CYP4Z1: variants seen among roughly 807,000 people sequenced by gnomAD.
CYP4Z1 encodes cytochrome P450 family 4 subfamily Z member 1.
In CYP4Z1, 41 loss-of-function variants were observed where a neutral mutation model predicts 54.2. The ratio of observed to expected loss-of-function variants is 0.76; its 90% confidence interval spans 0.59 to 0.98. CYP4Z1 has a LOEUF of 0.98. Among genes scored for constraint, CYP4Z1 ranks in the 50% least tolerant of loss-of-function variants. The pLI, the probability that CYP4Z1 is intolerant of heterozygous loss-of-function variation, is 0.00. For synonymous variants in CYP4Z1, 163 were observed against 206.2 expected, an observed-to-expected ratio of 0.79 and a Z score of 1.79; for missense variants, 513 against 599.0, an observed-to-expected ratio of 0.86 and a Z score of 1.50.
chr1:47,103,091 T>C (rs1251668450), intron 8 of CYP4Z1, among the ~76,000 whole-genome samples: 3 of 152,042 alleles, frequency 2.0e-5, no homozygotes, highest in Non-Finnish European at 4.4e-5. Context: ...TGAGATTCTT[T>C]CTTCTGCTTG....
intron 7 of CYP4Z1, among the ~76,000 whole-genome samples, chr1:47,097,722 A>G (rs1644688374): frequency 6.6e-6 from 1 of 151,594 alleles, no homozygotes; most frequent in Non-Finnish European, 1.5e-5. Context: ...CTTGTGGTAT[A>G]ATTTGGAGAG....
chr1:47,084,473 C>A (rs113098733), intron 4 of CYP4Z1, 147 bp from the exon 5 acceptor site: 1 of 1,071,100 alleles, frequency 9.3e-7, no homozygotes, highest in Non-Finnish European at 1.3e-6. Context: ...CAAGGTGTTT[C>A]ATTTTATATG....
intron 9 of CYP4Z1, among the ~76,000 whole-genome samples, chr1:47,107,923 A>C (rs1446799245): frequency 6.6e-6 from 1 of 152,094 alleles, no homozygotes; most frequent in African/African-American, 2.4e-5. Flanking sequence ...TGAGATCCGC[A>C]TGGATGTTGG....
chr1:47,113,371 C>T (rs1644806804), intron 9 of CYP4Z1, among the ~76,000 whole-genome samples: 1 of 152,128 alleles, frequency 6.6e-6, no homozygotes, highest in African/African-American at 2.4e-5. Context: ...CATGAGGTTC[C>T]CCTCTCAATT....
At chr1:47,074,501 C>G (rs1334474901) in intron 2 of CYP4Z1, among the ~76,000 whole-genome samples, 1 of 152,138 alleles carries the variant, frequency 6.6e-6, no homozygotes, top group African/African-American at 2.4e-5. Flanking sequence ...TTTTTTCCCC[C>G]TTTGGTACAT....
chr1:47,060,503 C>G, the CYP4Z1 span, among the ~76,000 whole-genome samples: 1 of 122,992 alleles, frequency 8.1e-6, no homozygotes, highest in Non-Finnish European at 1.7e-5. Flanking sequence ...TATTTAAGAC[C>G]TAGCTATCCT....
intron 8 of CYP4Z1, among the ~76,000 whole-genome samples, chr1:47,101,058 T>C (rs946383901): frequency 1.2e-4 from 19 of 152,240 alleles, no homozygotes; most frequent in African/African-American, 4.3e-4. Flanking sequence ...TTGTTCATAA[T>C]AGTCTCTAGT....
In CYP4Z1 at chr1:47,070,365, T is replaced by C. The variant is rs1644482106; in HGVS notation, c.319+1602T>C. ...ATACAATTTAATGGCATTAAATACATTTACATTGTTGTGCAACTATCACCG... is the reference window on the plus strand; with the variant it reads ...ATACAATTTAATGGCATTAAATACACTTACATTGTTGTGCAACTATCACCG... On this transcript the variant is annotated intron_variant, in intron 2 of 11. Transcript: ENST00000334194. Among the ~76,000 whole-genome samples, 2 of 111,760 alleles carry C rather than the reference T, an allele frequency of 1.8e-5. 1 individual carries two copies. The highest frequency in any genetic ancestry group is 7.5e-5 in the African/African-American group (2 of 26,500). The allele number at this position is 111,760 out of a possible 152,430, so 73.3% of individuals were successfully genotyped here.
chr1:47,076,348 T>G (rs1197708604), intron 2 of CYP4Z1, among the ~76,000 whole-genome samples: 1 of 151,282 alleles, frequency 6.6e-6, no homozygotes, highest in Admixed American at 6.6e-5. Context: ...TTTGCCCTTC[T>G]TTTTCCAGTT....
chr1:47,072,654 T>C (rs1644490580), intron 2 of CYP4Z1, among the ~76,000 whole-genome samples: 1 of 96,692 alleles, frequency 1.0e-5, no homozygotes, highest in Admixed American at 1.1e-4. Flanking sequence ...TGCACATTCA[T>C]AAATTCAGTC....
the CYP4Z1 span, among the ~76,000 whole-genome samples, chr1:47,057,124 A>G: frequency 6.6e-6 from 1 of 151,508 alleles, no homozygotes; most frequent in Non-Finnish European, 1.5e-5. Context: ...GGTGGTGACA[A>G]AATTTCTCAG....
chr1:47,069,649 T>C (rs1193968077), intron 2 of CYP4Z1, among the ~76,000 whole-genome samples: 1 of 151,878 alleles, frequency 6.6e-6, no homozygotes, highest in Admixed American at 6.6e-5. Flanking sequence ...CTCTTCTTTA[T>C]CTACAAATTC....
chr1:47,101,043 TGC>T (rs1644717887), intron 8 of CYP4Z1, among the ~76,000 whole-genome samples: 2 of 152,234 alleles, frequency 1.3e-5, no homozygotes, highest in Admixed American at 6.5e-5. Flanking sequence ...TTTGTTAGTG[TGC>T]AGTTGTTCAT....
At chr1:47,107,102 G>A (rs1239678487) in intron 9 of CYP4Z1, among the ~76,000 whole-genome samples, 1 of 152,110 alleles carries the variant, frequency 6.6e-6, no homozygotes, top group African/African-American at 2.4e-5. Context: ...CTTTACTATT[G>A]TAATAACAAA....
In CYP4Z1 at chr1:47,094,562, C is replaced by G. The variant is rs767745926; in HGVS notation, c.773-4C>G. On this transcript the variant is annotated splice_polypyrimidine_tract_variant and splice_region_variant and intron_variant, in intron 6 of 11. Coordinates refer to ENST00000334194, the MANE Select transcript of CYP4Z1 (RefSeq NM_178134.3). ...ATAACAAAGATCATAATTTTTCCATCTAGAGAAAGTAATCCAGGACCGGAA... is the reference window on the plus strand; with the variant it reads ...ATAACAAAGATCATAATTTTTCCATGTAGAGAAAGTAATCCAGGACCGGAA... 3 of 1,541,104 alleles carry G rather than the reference C, an allele frequency of 1.9e-6. No homozygotes were observed. The highest frequency in any genetic ancestry group is 1.2e-5 in the South Asian group (1 of 83,736).
At chr1:47,087,055 C>G (rs1411711258) in intron 6 of CYP4Z1, among the ~76,000 whole-genome samples, 2 of 152,054 alleles carry the variant, frequency 1.3e-5, no homozygotes, top group African/African-American at 2.4e-5. Context: ...TGGTCTATAT[C>G]TCTGTTTTGG....
intron 9 of CYP4Z1, among the ~76,000 whole-genome samples, chr1:47,106,685 C>T (rs1444550880): frequency 6.6e-6 from 1 of 152,162 alleles, no homozygotes; most frequent in Non-Finnish European, 1.5e-5. Context: ...AATCCACAGA[C>T]TCCAGGATTC....
chr1:47,089,838 C>T (rs1195944985), intron 6 of CYP4Z1, among the ~76,000 whole-genome samples: 5 of 152,256 alleles, frequency 3.3e-5, no homozygotes, highest in African/African-American at 7.2e-5. Flanking sequence ...AAAGAATTGT[C>T]GTCCAATGCC....
At chr1:47,097,821 T>TTTTC (rs1644689341) in intron 7 of CYP4Z1, among the ~76,000 whole-genome samples, 1 of 41,374 alleles carries the variant, frequency 2.4e-5, no homozygotes, top group Non-Finnish European at 3.9e-5. Flanking sequence ...TTCCATATGA[T>TTTTC]TTTTTTTTTT....
Sources: allele counts gnomAD v4.1 joint callset (sites outside exome capture counted in the v4.1 genomes callset), GRCh38; gene constraint gnomAD v4.1.1; transcripts MANE v1.5; gene names NCBI Gene and HGNC (gene_info 2026-07-23, HGNC 2026-07-21).